CHRNA3: variants seen among roughly 807,000 people sequenced by gnomAD.
The protein encoded by CHRNA3 is neuronal acetylcholine receptor subunit alpha-3.
Under a neutral mutation model 41.9 loss-of-function variants are expected in CHRNA3, and 34 were observed. The ratio of observed to expected loss-of-function variants is 0.81; its 90% CI spans 0.62 to 1.08. The LOEUF is 1.08. Ranked by LOEUF, CHRNA3 falls within the 50% of genes least tolerant of loss-of-function variation. CHRNA3 has a pLI of 0.00. For missense variants in CHRNA3, 542 were observed against 638.3 expected (o/e 0.85, Z 1.63); for synonymous variants, 281 against 265.2 (o/e 1.06, Z -0.58).
At chr15:78,593,728 T>C (rs1253185963), downstream of CHRNA3, 1 of 152,382 alleles carries the variant, frequency 6.6e-6, no homozygotes, top group African/African-American at 2.4e-5. Context: ...AATTACTTAA[T>C]GTGATGCTTG....
intron 4 of CHRNA3, among the ~76,000 whole-genome samples, chr15:78,605,609 C>G (rs559033494): frequency 6.6e-6 from 1 of 152,146 alleles, no homozygotes; most frequent in African/African-American, 2.4e-5. Context: ...AAAAAAATCC[C>G]GTGGGAATCC....
At chr15:78,618,534 T>TA in intron 3 of CHRNA3, 83 bp downstream of exon 3, 1 of 1,508,020 alleles carries the variant, frequency 6.6e-7, no homozygotes, top group Non-Finnish European at 9.2e-7. Flanking sequence ...TGAAGCCTGG[T>TA]CTTTAGGCCT....
In CHRNA3 at chr15:78,601,555, C is replaced by A. The variant is rs140801923; in HGVS notation, c.1087G>T (p.Glu363Ter). ...VMFMTRPTSN[E>*]GNAQKPRPLY... ...GGCCTCGGCTTCTGAGCGTTGCCCT[C>A]GTTGCTTGTTGGCCTGGTCATGAAC... Residue 363 changes from glutamate to a stop codon, truncating the protein, a stop_gained, in exon 5 of 6, where the codon GAG becomes TAG. Coordinates refer to ENST00000326828, the MANE Select transcript of CHRNA3 (RefSeq NM_000743.5). LOFTEE classifies it high-confidence loss of function. The A allele has an allele frequency of 6.2e-7, 1 of 1,613,998 alleles. No homozygotes were observed. The highest frequency in any genetic ancestry group is 1.3e-5 in the African/African-American group (1 of 74,882).
chr15:78,593,215 A>G (rs1378759354), downstream of CHRNA3: 3 of 1,613,122 alleles, frequency 1.9e-6, no homozygotes, highest in Non-Finnish European at 2.5e-6. Flanking sequence ...ATGGGCAAAT[A>G]TATTAATACC....
Position 78,596,590 on chromosome 15 carries a change from A to G in CHRNA3, c.*14T>C, listed in dbSNP as rs1243553353. Reference sequence around the variant, plus strand: ...ACACAAGGAAGTCTCCCAGGCAGGCACACAGCTTAGTGCTTATGCATCTTC... The same window carrying G: ...ACACAAGGAAGTCTCCCAGGCAGGCGCACAGCTTAGTGCTTATGCATCTTC... On this transcript the variant is annotated 3_prime_UTR_variant, in exon 6 of 6. Transcript: ENST00000326828. 1.3e-6 allele frequency: 2 copies of G among 1,556,896 alleles called. No homozygotes were observed. The highest frequency in any genetic ancestry group is 1.7e-6 in the Non-Finnish European group (2 of 1,156,676).
intron 4 of CHRNA3, among the ~76,000 whole-genome samples, chr15:78,611,348 A>T (rs1304099182): frequency 6.6e-6 from 1 of 151,940 alleles, no homozygotes; most frequent in South Asian, 2.1e-4. Context: ...CGAATCCAGC[A>T]GCACATCAAA....
At chr15:78,598,406 T>TG (rs2053145562) in intron 5 of CHRNA3, among the ~76,000 whole-genome samples, 1 of 152,208 alleles carries the variant, frequency 6.6e-6, no homozygotes, top group African/African-American at 2.4e-5. Flanking sequence ...ATCTTTTTTT[T>TG]TTTTTTGAGA....
chr15:78,600,259 G>GA (rs1483275568), intron 5 of CHRNA3, among the ~76,000 whole-genome samples: 1 of 152,008 alleles, frequency 6.6e-6, no homozygotes, highest in Admixed American at 6.6e-5. Flanking sequence ...ATTTCTGTTA[G>GA]AGACGGGGTT....
At chr15:78,600,160 G>A (rs1210421899) in intron 5 of CHRNA3, 2 of 152,232 alleles carry the variant, frequency 1.3e-5, no homozygotes, top group Non-Finnish European at 1.5e-5. Flanking sequence ...CAGCTCACTA[G>A]ACTTCCTGAG....
In CHRNA3 at chr15:78,601,727, T is replaced by C. The variant is rs770971268; in HGVS notation, c.915A>G (p.Gly305=). 2.5e-6 allele frequency: 4 copies of C among 1,614,030 alleles called. No homozygotes were observed. The Admixed American group carries it at 6.7e-5, about 27-fold the overall frequency. The change falls in exon 5 of 6, where the codon GGA becomes GGG. Residue 305 remains glycine (G), a synonymous_variant. Transcript: ENST00000326828. Reference sequence around the variant, plus strand: ...AAATCATGGTGAACAGGAGGTACTCTCCAATCAGGGGGATGACCAGCGAGG... The same window carrying C: ...AAATCATGGTGAACAGGAGGTACTCCCCAATCAGGGGGATGACCAGCGAGG... ...PSTSLVIPLI[G]EYLLFTMIFV...
Position 78,596,569 on chromosome 15 carries a change from A to C in CHRNA3, c.*35T>G, listed in dbSNP as rs1194639437. The C allele has an allele frequency of 2.7e-6, 4 of 1,495,212 alleles. No individual in the cohort carries two copies. The highest frequency in any genetic ancestry group is 3.6e-6 in the Non-Finnish European group (4 of 1,123,706). The allele number at this position is 1,495,212 out of a possible 1,614,324, so 92.6% of individuals were successfully genotyped here. A position where few individuals can be genotyped will look rare whatever the true frequency, so the allele number is the denominator to read the frequency against. On this transcript the variant is annotated 3_prime_UTR_variant, in exon 6 of 6. Coordinates refer to ENST00000326828, the MANE Select transcript of CHRNA3 (RefSeq NM_000743.5). Reference sequence around the variant, plus strand: ...AAGCAGCCTCCTCCTGCCCTGACACAAGGAAGTCTCCCAGGCAGGCACACA... The same window carrying C: ...AAGCAGCCTCCTCCTGCCCTGACACCAGGAAGTCTCCCAGGCAGGCACACA...
chr15:78,595,979 C>T lies in CHRNA3; in HGVS notation c.*625G>A, dbSNP rs1172371741. On this transcript the variant is annotated 3_prime_UTR_variant, in exon 6 of 6. Coordinates refer to ENST00000326828, the MANE Select transcript of CHRNA3 (RefSeq NM_000743.5). ...CCCAACCTCCAAAACTGAGAAGTTT[C>T]TGTTGTTTATAATCCACCCAGTTTA... 2.3e-6 allele frequency: 2 copies of T among 882,690 alleles called. No homozygotes were observed. Among genetic ancestry groups the T allele is most frequent in the African/African-American group, 1.8e-5 (1 of 54,910 alleles). The allele number at this position is 882,690 out of a possible 1,614,324, so 54.7% of individuals were successfully genotyped here. A position where few individuals can be genotyped will look rare whatever the true frequency, so the allele number is the denominator to read the frequency against.
At chr15:78,617,579 G>A (rs2053483218) in intron 3 of CHRNA3, among the ~76,000 whole-genome samples, 2 of 152,162 alleles carry the variant, frequency 1.3e-5, no homozygotes, top group African/African-American at 2.4e-5. Context: ...AGATTCCGGG[G>A]GAAGAATCCA....
chr15:78,598,889 A>G (rs1474734118), intron 5 of CHRNA3, among the ~76,000 whole-genome samples: 4 of 139,686 alleles, frequency 2.9e-5, no homozygotes, highest in African/African-American at 1.1e-4. Context: ...GCTGGAGTCC[A>G]GTGGTGTGAT....
intron 4 of CHRNA3, among the ~76,000 whole-genome samples, chr15:78,608,244 T>A (rs1439326111): frequency 6.6e-6 from 1 of 152,240 alleles, no homozygotes; most frequent in African/African-American, 2.4e-5. Context: ...GCTGGAAATC[T>A]GAGAACGGGC....
In CHRNA3 at chr15:78,601,936, A is replaced by G; in HGVS notation, c.706T>C (p.Tyr236His). Residue 236 changes from tyrosine to histidine, a missense_variant, in exon 5 of 6, where the codon TAC (tyrosine) becomes CAC (histidine). By Grantham distance (83) the Tyr-to-His change is moderately conservative. Coordinates refer to ENST00000326828, the MANE Select transcript of CHRNA3 (RefSeq NM_000743.5). Reference protein sequence around the residue: ...EIYPDITYSLYIRRLPLFYTI... With the variant: ...EIYPDITYSLHIRRLPLFYTI... ...TAGAACAAGGGCAGGCGCCGGATGTACAGCGAGTATGTGATGTCGGGGTAG... is the reference window on the plus strand; with the variant it reads ...TAGAACAAGGGCAGGCGCCGGATGTGCAGCGAGTATGTGATGTCGGGGTAG... 6.2e-7 allele frequency: 1 copy of G among 1,609,434 alleles called. No individual in the cohort carries two copies. The highest frequency in any genetic ancestry group is 8.5e-7 in the Non-Finnish European group (1 of 1,177,822).
At chr15:78,612,508 T>C (rs1356047574) in intron 4 of CHRNA3, among the ~76,000 whole-genome samples, 1 of 106,974 alleles carries the variant, frequency 9.3e-6, no homozygotes, top group Non-Finnish European at 2.0e-5. Context: ...GAAAACTGGC[T>C]AGCCATATGT....
At chr15:78,617,165 AC>A in intron 3 of CHRNA3, 32 bp from the exon 4 acceptor site, 5 of 1,457,440 alleles carry the variant, frequency 3.4e-6, no homozygotes, top group Non-Finnish European at 4.8e-6. Context: ...GGAGAAGGAG[AC>A]GGTAAAAGAA....
chr15:78,620,579 C>A, intron 1 of CHRNA3, 134 bp downstream of exon 1: 1 of 1,345,820 alleles, frequency 7.4e-7, no homozygotes, highest in Non-Finnish European at 9.5e-7. Context: ...CCAGTCTGCG[C>A]GGGTTCCGAG....
Sources: allele counts gnomAD v4.1 joint callset (sites outside exome capture counted in the v4.1 genomes callset), GRCh38; gene constraint gnomAD v4.1.1; transcripts MANE v1.5; gene names NCBI Gene and HGNC (gene_info 2026-07-23, HGNC 2026-07-21).